APOL2: variants seen among roughly 807,000 people sequenced by gnomAD.
APOL2 encodes the protein apolipoprotein L, 2.
A neutral mutation model predicts 7.1 loss-of-function variants in APOL2; 8 were observed. The observed-to-expected ratio is 1.12, with a 90% CI of 0.66 to 2.03. APOL2 has a LOEUF of 2.03. APOL2 is among the 30% of genes most tolerant of loss of function. APOL2 has a pLI of 0.00. For missense variants in APOL2, 471 were observed against 415.1 expected (o/e 1.13, Z -1.17); for synonymous variants, 177 against 159.9 (o/e 1.11, Z -0.81).
At position 36,236,853 on chromosome 22, in the gene APOL2, GA is replaced by G. The variant is rs1359508050; in HGVS notation, c.-134+2587del. On this transcript the variant is annotated intron_variant, in intron 1 of 4. Transcript: ENST00000358502. ...AGTCCTGGGCAGCAGTTCACCAGGG[GA>G]GTATGCAGAGGGGCATCTGGACACT... The G allele has an allele frequency of 2.5e-6, 3 of 1,220,796 alleles. No homozygotes were observed. The East Asian group carries it at 1.0e-4, about 42-fold the overall frequency. The allele number at this position is 1,220,796 out of a possible 1,614,324, so 75.6% of individuals were successfully genotyped here. A position where few individuals can be genotyped will look rare whatever the true frequency, so the allele number is the denominator to read the frequency against.
intron 1 of APOL2, among the ~76,000 whole-genome samples, chr22:36,235,750 TGGGTGG>T (rs1466100189): frequency 0.015 from 1,583 of 103,028 alleles, 8 homozygotes; most frequent in Middle Eastern, 0.036. Flanking sequence ...AAAGGGTGGG[TGGGTGG>T]GTGTGTGTGT....
Position 36,228,154 on chromosome 22 carries a change from C to G in APOL2, c.264G>C (p.Leu88Phe). 6.2e-7 allele frequency: 1 copy of G among 1,614,226 alleles called. No individual in the cohort carries two copies. ...RQWFLKEFPRLKRELEDHIRK... is the reference protein window; with the variant it reads ...RQWFLKEFPRFKRELEDHIRK... ...TTATGTGATCCTCAAGCTCCCTTTT[C>G]AACCGAGGAAACTCTTTCAAAAACC... Residue 88 changes from leucine to phenylalanine, a missense_variant, in exon 5 of 5, where the codon TTG becomes TTC. By Grantham distance (22) the Leu-to-Phe change is conservative. Coordinates refer to ENST00000358502, the MANE Select transcript of APOL2 (RefSeq NM_030882.4).
intron 1 of APOL2, chr22:36,237,479 G>T: frequency 1.3e-6 from 1 of 786,870 alleles, no homozygotes; most frequent in Non-Finnish European, 1.6e-6. Context: ...GGCTATCACA[G>T]CTTGCTGTAG....
chr22:36,234,179 C>T (rs2015325674), intron 1 of APOL2: 1 of 152,216 alleles, frequency 6.6e-6, no homozygotes, highest in South Asian at 2.1e-4. Flanking sequence ...CCTTAAGATA[C>T]TTTTAAGAGT....
At chr22:36,230,968 C>A (rs140173425) in intron 4 of APOL2, among the ~76,000 whole-genome samples, 2 of 152,208 alleles carry the variant, frequency 1.3e-5, no homozygotes, top group African/African-American at 4.8e-5. Context: ...AAGATGTTAA[C>A]GTTAACTGTG....
chr22:36,233,223 T>C lies in APOL2; in HGVS notation c.-61A>G, dbSNP rs1485323835. On this transcript the variant is annotated 5_prime_UTR_variant, in exon 3 of 5. Coordinates refer to ENST00000358502, the MANE Select transcript of APOL2 (RefSeq NM_030882.4). ...GGAGCTCTCCAGTCACTGTCCAGAC[T>C]GGAAGGTTTTCCTTAACCCTTGAGA... The C allele has an allele frequency of 9.9e-6, 16 of 1,613,986 alleles. No homozygotes were observed. The highest frequency in any genetic ancestry group is 1.4e-5 in the Non-Finnish European group (16 of 1,180,010).
At position 36,233,423 on chromosome 22, in the gene APOL2, C is replaced by T. The variant is rs1203623159; in HGVS notation, c.-101G>A. On this transcript the variant is annotated 5_prime_UTR_variant, in exon 2 of 5. Coordinates refer to ENST00000358502, the MANE Select transcript of APOL2 (RefSeq NM_030882.4). The stretch of plus-strand genomic sequence containing the variant: ...TCACCTCGTTCCAGCTTCCTCTTCC[C>T]TCACTCTCACACCAAGGCAGGGTCC... The T allele has an allele frequency of 6.4e-7, 1 of 1,551,316 alleles. No homozygotes were observed. The highest frequency in any genetic ancestry group is 2.0e-5 in the Admixed American group (1 of 51,152).
intron 1 of APOL2, among the ~76,000 whole-genome samples, chr22:36,235,785 G>A (rs977365952): frequency 6.6e-6 from 1 of 150,942 alleles, no homozygotes; most frequent in Non-Finnish European, 1.5e-5. Flanking sequence ...GTGTGTGTGT[G>A]TGTATGTGTT....
At position 36,231,475 on chromosome 22, in the gene APOL2, AAAG is replaced by A. The variant is rs141951757; in HGVS notation, c.11-12_11-10del. 0.086 allele frequency: 138,060 copies of A among 1,611,932 alleles called. 9,441 individuals carry two copies. The highest frequency in any genetic ancestry group is 0.35 in the African/African-American group (26,284 of 74,824). The stretch of plus-strand genomic sequence containing the variant: ...AATAAAGATACTGCTCTCTAGTTGG[AAAG>A]AAGAAAGGATAAGGTTGGAGGATAG... On this transcript the variant is annotated splice_polypyrimidine_tract_variant and intron_variant, in intron 3 of 4. Transcript: ENST00000358502.
intron 1 of APOL2, among the ~76,000 whole-genome samples, chr22:36,235,147 G>C (rs1245341535): frequency 1.3e-5 from 2 of 152,218 alleles, no homozygotes; most frequent in Non-Finnish European, 2.9e-5. Context: ...GAGTTCACCA[G>C]GCCCACGTGC....
Position 36,239,436 on chromosome 22 carries a change from C to T in APOL2, c.-134+5G>A. On this transcript the variant is annotated splice_donor_5th_base_variant and intron_variant, in intron 1 of 4. Transcript: ENST00000358502. ...TGGGGGTAGATCACACTATCCCCAA[C>T]TTACCAAGGGATCTTCCTCTGACAG... 6.5e-7 allele frequency: 1 copy of T among 1,545,160 alleles called. No homozygotes were observed. The highest frequency in any genetic ancestry group is 8.7e-7 in the Non-Finnish European group (1 of 1,152,218).
At chr22:36,239,587 G>T, upstream of APOL2, 1 of 1,366,578 alleles carries the variant, frequency 7.3e-7, no homozygotes, top group Non-Finnish European at 1.0e-6. Context: ...GAAAGTGAAA[G>T]TCACAACTTC....
intron 4 of APOL2, 60 bp from the exon 5 acceptor site, chr22:36,228,340 C>A: frequency 6.5e-7 from 1 of 1,544,344 alleles, no homozygotes; most frequent in Non-Finnish European, 8.7e-7. Flanking sequence ...GAAATGAGCT[C>A]CATGCGATCT....
intron 1 of APOL2, among the ~76,000 whole-genome samples, chr22:36,238,131 G>T (rs1305608245): frequency 6.6e-6 from 1 of 152,104 alleles, no homozygotes; most frequent in African/African-American, 2.4e-5. Context: ...ATTCAATGGG[G>T]ACACTGTTGT....
Position 36,227,177 on chromosome 22 carries a change from G to C in APOL2, c.*227C>G, listed in dbSNP as rs566048733. The C allele has an allele frequency of 1.1e-5, 5 of 444,292 alleles. No homozygotes were observed. Among genetic ancestry groups the C allele is most frequent in the Non-Finnish European group, 1.9e-5 (5 of 257,864 alleles). 27.5% of individuals were successfully genotyped at this position (444,292 alleles called of 1,614,324 possible). ...GAAAATACAAAAAAATTAGCCGGGC[G>C]TGGTGGCAGGTGCCTGTAGTCCCAG... On this transcript the variant is annotated 3_prime_UTR_variant, in exon 5 of 5. Coordinates refer to ENST00000358502, the MANE Select transcript of APOL2 (RefSeq NM_030882.4).
chr22:36,234,157 T>C (rs2015324756), intron 1 of APOL2: 1 of 152,228 alleles, frequency 6.6e-6, no homozygotes, highest in Admixed American at 6.5e-5. Flanking sequence ...CTGCTCACAT[T>C]TGAGATTATT....
chr22:36,233,528 T>C, intron 1 of APOL2, 73 bp from the exon 2 acceptor site: 1 of 1,340,000 alleles, frequency 7.5e-7, no homozygotes, highest in Non-Finnish European at 1.0e-6. Context: ...ACAGAGTCTA[T>C]ACACAGGAAT....
intron 1 of APOL2, chr22:36,237,089 C>A: frequency 6.5e-7 from 1 of 1,533,778 alleles, no homozygotes. Flanking sequence ...GAGCTGCATC[C>A]AGGATCCCAT....
At chr22:36,235,756 G>T (rs2023316) in intron 1 of APOL2, among the ~76,000 whole-genome samples, 69,183 of 112,634 alleles carry the variant, frequency 0.61, 18,179 homozygotes, top group Non-Finnish European at 0.67. Flanking sequence ...TGGGTGGGTG[G>T]GTGTGTGTGT....
Sources: allele counts gnomAD v4.1 joint callset (sites outside exome capture counted in the v4.1 genomes callset), GRCh38; gene constraint gnomAD v4.1.1; transcripts MANE v1.5; gene names NCBI Gene and HGNC (gene_info 2026-07-23, HGNC 2026-07-21).